WDR11: variants seen among roughly 807,000 people sequenced by gnomAD.
WDR11 encodes the protein WD repeat domain 11.
In WDR11, 83 loss-of-function variants were observed where a neutral mutation model predicts 151.2. The ratio of observed to expected loss-of-function variants is 0.55; its 90% CI spans 0.46 to 0.66. The LOEUF (loss-of-function observed/expected upper bound fraction) is 0.66. Ranked by LOEUF, WDR11 falls within the 30% of genes least tolerant of loss-of-function variation. The probability of loss-of-function intolerance (pLI) is 0.00; values close to 1 mark genes in which losing one functional copy is unlikely to be tolerated. For missense variants in WDR11, 1,301 were observed against 1,480.9 expected (o/e 0.88, Z 1.99); for synonymous variants, 484 against 533.1 (o/e 0.91, Z 1.27).
In WDR11 at chr10:120,905,966, C is replaced by G. The variant is rs766130531; in HGVS notation, c.3382C>G (p.Leu1128Val). 6.2e-7 allele frequency: 1 copy of G among 1,614,118 alleles called. No individual in the cohort carries two copies. The highest frequency in any genetic ancestry group is 8.5e-7 in the Non-Finnish European group (1 of 1,180,026). ...ACAAGTCAATCAGAAATCAAAGGCT[C>G]TCCTGGTTCTCCTCTCTCTGGGCTG... ...SPQVNQKSKALLVLLSLGCFF... is the reference protein window; with the variant it reads ...SPQVNQKSKAVLVLLSLGCFF... Residue 1128 changes from leucine (L) to valine (V), a missense_variant, in exon 27 of 29, where the codon CTC becomes GTC. Physicochemically the swap from Leu to Val is conservative, Grantham distance 32 (BLOSUM62 1). This residue lies in a region of WDR11 where 589 missense variants were observed against 670.6 expected (regional missense o/e 0.88). Transcript: ENST00000263461.
chr10:120,900,239 A>C (rs1847764879), intron 20 of WDR11, 102 bp downstream of exon 20: 1 of 1,001,022 alleles, frequency 1.0e-6, no homozygotes, highest in Non-Finnish European at 1.6e-6. Context: ...AAGGGAATGG[A>C]GCCTTTAAAG....
intron 27 of WDR11, 108 bp downstream of exon 27, chr10:120,906,129 G>A (rs1203202523): frequency 1.3e-5 from 21 of 1,593,736 alleles, no homozygotes; most frequent in Non-Finnish European, 1.8e-5. Context: ...AGTGAAAGGA[G>A]AAGTATACAT....
At chr10:120,882,536 T>A (rs1847048302) in intron 13 of WDR11, among the ~76,000 whole-genome samples, 1 of 130,532 alleles carries the variant, frequency 7.7e-6, no homozygotes, top group Non-Finnish European at 1.7e-5. Context: ...AAATACAAAT[T>A]CAGTTTTGTT....
intron 12 of WDR11, 38 bp from the exon 13 acceptor site, chr10:120,880,788 T>G: frequency 2.6e-6 from 4 of 1,541,110 alleles, no homozygotes; most frequent in Non-Finnish European, 3.5e-6. Context: ...ACATGTTTTA[T>G]GCACTGTTCT....
At chr10:120,893,707 C>G (rs1847504008) in intron 19 of WDR11, among the ~76,000 whole-genome samples, 1 of 152,038 alleles carries the variant, frequency 6.6e-6, no homozygotes. Context: ...GATTGCCATT[C>G]TAACTGGTGT....
intron 6 of WDR11, among the ~76,000 whole-genome samples, 198 bp from the exon 7 acceptor site, chr10:120,865,432 T>C (rs994602672): frequency 1.3e-5 from 2 of 152,182 alleles, no homozygotes; most frequent in African/African-American, 4.8e-5. Context: ...TTTATTGAAC[T>C]ATTTAAGTCA....
At chr10:120,873,210 CA>C (rs952028394) in intron 10 of WDR11, among the ~76,000 whole-genome samples, 2 of 152,140 alleles carry the variant, frequency 1.3e-5, no homozygotes, top group African/African-American at 4.8e-5. Context: ...TATGTTTCCC[CA>C]TTTAATCTCC....
chr10:120,893,088 T>A (rs1847481254), intron 19 of WDR11, among the ~76,000 whole-genome samples: 1 of 151,740 alleles, frequency 6.6e-6, no homozygotes, highest in Non-Finnish European at 1.5e-5. Flanking sequence ...TATGTATACA[T>A]GTGCCATGTT....
intron 19 of WDR11, among the ~76,000 whole-genome samples, chr10:120,898,297 G>A (rs558988880): frequency 2.0e-4 from 30 of 152,152 alleles, no homozygotes; most frequent in Non-Finnish European, 4.3e-4. Flanking sequence ...AGCACAAACA[G>A]TTAAGCTCTA....
chr10:120,888,179 A>G (rs1016307110), intron 16 of WDR11, among the ~76,000 whole-genome samples: 4 of 152,254 alleles, frequency 2.6e-5, no homozygotes, highest in Non-Finnish European at 5.9e-5. Context: ...GAGCAGTAAT[A>G]TTATTTAATA....
intron 5 of WDR11, among the ~76,000 whole-genome samples, chr10:120,863,430 C>G (rs1846206634): frequency 6.6e-6 from 1 of 152,170 alleles, no homozygotes; most frequent in South Asian, 2.1e-4. Context: ...TCAAATTTCT[C>G]TCTCCCAGTC....
In WDR11 at chr10:120,871,555, G is replaced by A. The variant is rs9325569; in HGVS notation, c.1471+209G>A. On this transcript the variant is annotated intron_variant, in intron 10 of 28. Coordinates refer to ENST00000263461, the MANE Select transcript of WDR11 (RefSeq NM_018117.12). ...GTCTTATATTGAATTGGAATGCTGA[G>A]TCTTCATCCACCTGAGACTGGACAG... 0.29 allele frequency among the ~76,000 whole-genome samples: 43,773 copies of A among 151,840 alleles called. 6,992 individuals are homozygous for A. The highest frequency in any genetic ancestry group is 0.42 in the East Asian group (2,147 of 5,158).
In WDR11 at chr10:120,903,134, G is replaced by A. The variant is rs1281842502; in HGVS notation, c.2833G>A (p.Ala945Thr). 1 of 1,614,188 alleles carries A rather than the reference G, an allele frequency of 6.2e-7. No individual in the cohort carries two copies. The highest frequency in any genetic ancestry group is 8.5e-7 in the Non-Finnish European group (1 of 1,180,030). ...GCACAGCTTATCCCAGGAAAAGTCA[G>A]CCAGCACAACAGCTCCTAAAGAAGC... ...YLHSLSQEKS[A>T]STTAPKEAAP... The change falls in exon 23 of 29, where the codon GCC becomes ACC. Residue 945 changes from alanine to threonine, a missense_variant. By Grantham distance (58) the Ala-to-Thr change is moderately conservative (BLOSUM62 0). This residue lies in a region of WDR11 where 589 missense variants were observed against 670.6 expected (regional missense o/e 0.88). Transcript: ENST00000263461.
Position 120,881,483 on chromosome 10 carries a change from A to T in WDR11, c.1739+582A>T, listed in dbSNP as rs1289365042. Among the ~76,000 whole-genome samples the T allele has an allele frequency of 7.9e-5, 11 of 140,112 alleles. No homozygotes were observed. In the East Asian group the frequency reaches 2.1e-3, roughly 27 times the overall value. 91.9% of individuals were successfully genotyped at this position (140,112 alleles called of 152,430 possible). On this transcript the variant is annotated intron_variant, in intron 13 of 28. Coordinates refer to ENST00000263461, the MANE Select transcript of WDR11 (RefSeq NM_018117.12). ...TTGAACCCATCAATCAGTGAGGGGA[A>T]GAATTGGTATCTTAACAAGTTTTGT...
chr10:120,867,014 C>T (rs944287520), intron 8 of WDR11, 52 bp from the exon 9 acceptor site: 6 of 1,411,918 alleles, frequency 4.2e-6, no homozygotes, highest in African/African-American at 1.4e-5. Context: ...ATTCCTAATA[C>T]GTAATGCAGA....
Position 120,890,007 on chromosome 10 carries a change from G to C in WDR11, c.2341G>C (p.Glu781Gln). ...NDGAEVWDTK[E>Q]VQMVSSLRSG... is the part of the protein sequence containing the mutation. The stretch of plus-strand genomic sequence containing the variant: ...TGGAGCTGAAGTGTGGGATACTAAA[G>C]AGGTAGGCCCTCTCCATGAGGATAA... Residue 781 changes from glutamate to glutamine, a missense_variant and splice_region_variant, in exon 18 of 29, where the codon GAG becomes CAG. This residue lies in a region of WDR11 where 589 missense variants were observed against 670.6 expected (regional missense o/e 0.88). Coordinates refer to ENST00000263461, the MANE Select transcript of WDR11 (RefSeq NM_018117.12). 1 of 1,591,242 alleles carries C rather than the reference G, an allele frequency of 6.3e-7. No homozygotes were observed.
At chr10:120,901,298 C>T (rs969492034) in intron 21 of WDR11, among the ~76,000 whole-genome samples, 200 bp downstream of exon 21, 36 of 152,204 alleles carry the variant, frequency 2.4e-4, no homozygotes, top group South Asian at 2.1e-4. Context: ...GTTACAGTGA[C>T]AGAGCATCTG....
intron 11 of WDR11, among the ~76,000 whole-genome samples, chr10:120,875,963 G>T: frequency 6.8e-6 from 1 of 148,042 alleles, no homozygotes; most frequent in African/African-American, 2.5e-5. Flanking sequence ...ATGGAGAAGG[G>T]TTAACCTTTT....
chr10:120,906,718 G>C (rs1334291227), intron 27 of WDR11, 58 bp from the exon 28 acceptor site: 1 of 1,613,492 alleles, frequency 6.2e-7, no homozygotes, highest in African/African-American at 1.3e-5. Flanking sequence ...CTTCGATGCT[G>C]CTGCCCACCA....
Sources: allele counts gnomAD v4.1 joint callset (sites outside exome capture counted in the v4.1 genomes callset), GRCh38; gene constraint gnomAD v4.1.1; regional missense constraint gnomAD v4.1.1; transcripts MANE v1.5; gene names NCBI Gene and HGNC (gene_info 2026-07-23, HGNC 2026-07-21).